BRINP2: variants seen among roughly 807,000 people sequenced by gnomAD.
BRINP2 encodes BMP/retinoic acid inducible neural specific 2, also known as BMP/retinoic acid-inducible neural-specific protein 2.
BRINP2 carries 21 observed loss-of-function variants against 69.2 expected under a neutral mutation model. The ratio of observed to expected loss-of-function variants is 0.30; its 90% confidence interval spans 0.22 to 0.44. BRINP2 has a LOEUF of 0.44. Ranked by LOEUF, BRINP2 falls within the 20% of genes least tolerant of loss-of-function variation. The probability of loss-of-function intolerance (pLI) is 1.00; values close to 1 mark genes in which losing one functional copy is unlikely to be tolerated. For synonymous variants in BRINP2, 380 were observed against 394.1 expected, an observed-to-expected ratio of 0.96 and a Z score of 0.42; for missense variants, 877 against 986.0, an observed-to-expected ratio of 0.89 and a Z score of 1.48.
chr1:177,243,722 G>A (rs891353779), intron 2 of BRINP2, among the ~76,000 whole-genome samples: 1 of 152,168 alleles, frequency 6.6e-6, no homozygotes, highest in Non-Finnish European at 1.5e-5. Context: ...GAAAGTTTAT[G>A]TTTTTGCTCA....
At chr1:177,265,650 G>A (rs1237973161) in intron 4 of BRINP2, among the ~76,000 whole-genome samples, 3 of 152,114 alleles carry the variant, frequency 2.0e-5, no homozygotes, top group Admixed American at 6.5e-5. Context: ...CCCATCCTGG[G>A]TGGCAGTGTG....
At chr1:177,213,778 A>C (rs561512132) in intron 1 of BRINP2, among the ~76,000 whole-genome samples, 7 of 152,294 alleles carry the variant, frequency 4.6e-5, no homozygotes, top group Admixed American at 1.3e-4. Context: ...CAAAAAAACT[A>C]AATCATTACA....
intron 1 of BRINP2, among the ~76,000 whole-genome samples, chr1:177,200,297 A>AAAAAAAAAAAAAAAAAAAAAC (rs1648870227): frequency 9.3e-6 from 1 of 107,810 alleles, no homozygotes. Context: ...CTGTCTCAAA[A>AAAAAAAAAAAAAAAAAAAAAC]AAAAAAAAAA....
At chr1:177,279,176 A>C (rs1651611836) in intron 7 of BRINP2, among the ~76,000 whole-genome samples, 1 of 152,172 alleles carries the variant, frequency 6.6e-6, no homozygotes, top group Non-Finnish European at 1.5e-5. Context: ...TCTGGGTCAC[A>C]GGAGGAAAAA....
In BRINP2 at chr1:177,273,648, AT is replaced by A. The variant is rs1448395399; in HGVS notation, c.775+57del. ...TTTCACACCTGATTTAAAAAAAAAA[AT>A]TCCTAGATCAAATAGCGGGAAAAAA... On this transcript the variant is annotated intron_variant, in intron 5 of 7. Transcript: ENST00000361539. 12 of 1,118,428 alleles carry A rather than the reference AT, an allele frequency of 1.1e-5. No individual in the cohort carries two copies. The Middle Eastern group carries it at 2.1e-3, about 191-fold the overall frequency. The allele number at this position is 1,118,428 out of a possible 1,614,324, so 69.3% of individuals were successfully genotyped here.
At chr1:177,253,907 A>G (rs1320314523) in intron 2 of BRINP2, among the ~76,000 whole-genome samples, 1 of 152,106 alleles carries the variant, frequency 6.6e-6, no homozygotes. Context: ...AGGTTAGACC[A>G]AGATTTGGCA....
At chr1:177,177,725 A>T (rs942747159) in intron 1 of BRINP2, among the ~76,000 whole-genome samples, 3 of 152,188 alleles carry the variant, frequency 2.0e-5, no homozygotes, top group African/African-American at 7.2e-5. Context: ...CAGTTTTATC[A>T]TCTATAGAAG....
intron 1 of BRINP2, among the ~76,000 whole-genome samples, chr1:177,184,991 A>C (rs1309074087): frequency 6.6e-6 from 1 of 152,206 alleles, no homozygotes; most frequent in Non-Finnish European, 1.5e-5. Flanking sequence ...TAGGTCTTGC[A>C]TGAGATTCAG....
Position 177,202,911 on chromosome 1 carries a change from C to T in BRINP2, c.-76-26890C>T, listed in dbSNP as rs806251. On this transcript the variant is annotated intron_variant, in intron 1 of 7. Coordinates refer to ENST00000361539, the MANE Select transcript of BRINP2 (RefSeq NM_021165.4). ...AAACTAGTTCAACCATTGTGGAAGTCGGTGTGGCAATTCCTCAGGGATCTA... is the reference window on the plus strand; with the variant it reads ...AAACTAGTTCAACCATTGTGGAAGTTGGTGTGGCAATTCCTCAGGGATCTA... Among the ~76,000 whole-genome samples the T allele has an allele frequency of 8.0e-3, 1,215 of 152,024 alleles. 13 individuals are homozygous for T. Among genetic ancestry groups the T allele is most frequent in the African/African-American group, 0.027 (1,113 of 41,332 alleles).
chr1:177,271,030 G>T (rs547497493), intron 4 of BRINP2, among the ~76,000 whole-genome samples: 4 of 152,332 alleles, frequency 2.6e-5, no homozygotes, highest in Admixed American at 2.6e-4. Flanking sequence ...AGGCTCATGT[G>T]TAACAGCCAG....
chr1:177,256,982 G>A, intron 3 of BRINP2, 194 bp from the exon 4 acceptor site: 4 of 1,479,684 alleles, frequency 2.7e-6, no homozygotes, highest in Non-Finnish European at 3.6e-6. Context: ...GGCCTTTCAG[G>A]CAGCGAGGCC....
Position 177,273,487 on chromosome 1 carries a change from G to T in BRINP2, c.670-1G>T. On this transcript the variant is annotated splice_acceptor_variant, in intron 4 of 7. Coordinates refer to ENST00000361539, the MANE Select transcript of BRINP2 (RefSeq NM_021165.4). LOFTEE classifies it high-confidence loss of function. The stretch of plus-strand genomic sequence containing the variant: ...CCACTCCCTACTCCTTCCTTCTCTA[G>T]GTCACCGAGACCAGGACCGGTCCTC... 6.2e-7 allele frequency: 1 copy of T among 1,605,362 alleles called. No homozygotes were observed. The highest frequency in any genetic ancestry group is 1.7e-5 in the Admixed American group (1 of 58,556).
intron 2 of BRINP2, among the ~76,000 whole-genome samples, chr1:177,241,738 T>C (rs1650212002): frequency 1.3e-5 from 2 of 152,216 alleles, no homozygotes; most frequent in Admixed American, 6.5e-5. Context: ...GTTTCTCAGG[T>C]CAGGCATTTC....
chr1:177,276,123 C>G (rs1034260994), intron 5 of BRINP2, 75 bp from the exon 6 acceptor site: 4 of 1,362,344 alleles, frequency 2.9e-6, no homozygotes, highest in African/African-American at 2.9e-5. Flanking sequence ...AGCTGGGATT[C>G]CTGCAGGCTT....
At chr1:177,212,563 A>T (rs2102311883) in intron 1 of BRINP2, among the ~76,000 whole-genome samples, 1 of 152,070 alleles carries the variant, frequency 6.6e-6, no homozygotes, top group East Asian at 1.9e-4. Context: ...AAAAAAATTT[A>T]TTGGTGTGCT....
chr1:177,257,526 C>T, intron 4 of BRINP2, 142 bp downstream of exon 4: 1 of 814,648 alleles, frequency 1.2e-6, no homozygotes, highest in Non-Finnish European at 1.9e-6. Context: ...CACAGCCAGC[C>T]TTCAGACACG....
At chr1:177,181,707 GC>G (rs567339221) in intron 1 of BRINP2, among the ~76,000 whole-genome samples, 60 of 152,334 alleles carry the variant, frequency 3.9e-4, no homozygotes, top group African/African-American at 1.3e-3. Flanking sequence ...GGGGCAGGTG[GC>G]TGACGGGTGT....
chr1:177,229,102 C>T (rs1406455703), intron 1 of BRINP2, among the ~76,000 whole-genome samples: 5 of 152,152 alleles, frequency 3.3e-5, no homozygotes, highest in African/African-American at 4.8e-5. Context: ...ACTCCGATGA[C>T]GCTATATGCA....
At chr1:177,194,929 C>A (rs559827025) in intron 1 of BRINP2, among the ~76,000 whole-genome samples, 22 of 152,250 alleles carry the variant, frequency 1.4e-4, no homozygotes, top group African/African-American at 4.8e-4. Flanking sequence ...CATCACCTTC[C>A]GGGCCTCATA....
Sources: allele counts gnomAD v4.1 joint callset (sites outside exome capture counted in the v4.1 genomes callset), GRCh38; gene constraint gnomAD v4.1.1; transcripts MANE v1.5; gene names NCBI Gene and HGNC (gene_info 2026-07-23, HGNC 2026-07-21).